PAICS: variants seen among roughly 807,000 people sequenced by gnomAD.
PAICS encodes the protein phosphoribosylaminoimidazole carboxylase and phosphoribosylaminoimidazolesuccinocarboxamide synthase, also known as bifunctional phosphoribosylaminoimidazole carboxylase/phosphoribosylaminoimidazole succinocarboxamide synthetase.
In PAICS, 33 loss-of-function variants were observed where a neutral mutation model predicts 53.7. That is an observed-to-expected ratio of 0.61 (90% CI 0.47 to 0.82). The LOEUF (loss-of-function observed/expected upper bound fraction) is 0.82, where lower values mean the gene tolerates loss of function less well. Ranked by LOEUF, PAICS falls within the 40% of genes least tolerant of loss-of-function variation. The pLI is 0.00. For missense variants in PAICS, 394 were observed against 494.1 expected, an observed-to-expected ratio of 0.80 and a Z score of 1.92; for synonymous variants, 141 against 167.2, an observed-to-expected ratio of 0.84 and a Z score of 1.21.
chr4:56,419,801 C>T, the PAICS span: 21 of 984,532 alleles, frequency 2.1e-5, no homozygotes, highest in Non-Finnish European at 2.4e-5. Flanking sequence ...AAATTGCAGC[C>T]AAGCTTCAGA....
the PAICS span, among the ~76,000 whole-genome samples, chr4:56,414,531 T>C: frequency 6.6e-6 from 1 of 152,224 alleles, no homozygotes; most frequent in East Asian, 1.9e-4. Context: ...TACAAATGTA[T>C]CGCAAGTAAT....
chr4:56,427,661 T>C, the PAICS span, among the ~76,000 whole-genome samples: 2 of 134,138 alleles, frequency 1.5e-5, no homozygotes, highest in East Asian at 4.2e-4. Flanking sequence ...AAAAAAAAAA[T>C]TCATAAGGCT....
chr4:56,414,075 T>C, the PAICS span, among the ~76,000 whole-genome samples: 1 of 152,196 alleles, frequency 6.6e-6, no homozygotes, highest in East Asian at 1.9e-4. Context: ...TCTTAGAAAT[T>C]TGCATGATTT....
the PAICS span, among the ~76,000 whole-genome samples, chr4:56,426,294 C>T: frequency 2.6e-3 from 395 of 152,006 alleles, 3 homozygotes; most frequent in African/African-American, 9.1e-3. Flanking sequence ...CTCAGCTACT[C>T]GGGAGGCTGA....
At chr4:56,416,864 T>A in the PAICS span, among the ~76,000 whole-genome samples, 2 of 152,164 alleles carry the variant, frequency 1.3e-5, no homozygotes, top group African/African-American at 2.4e-5. Context: ...TCTATTTTTC[T>A]TTTCTTTTCT....
intron 6 of PAICS, chr4:56,451,036 C>G (rs1347034684): frequency 5.6e-6 from 1 of 178,324 alleles, no homozygotes; most frequent in Non-Finnish European, 1.2e-5. Flanking sequence ...CCAGGATGGT[C>G]TTGATCTCCT....
chr4:56,427,468 T>G, the PAICS span, among the ~76,000 whole-genome samples: 1 of 152,292 alleles, frequency 6.6e-6, no homozygotes, highest in East Asian at 1.9e-4. Flanking sequence ...TATCACCATC[T>G]TTTAAAAATT....
Position 56,448,007 on chromosome 4 carries a change from CTTTTTTTTTTT to C in PAICS, c.394-403_394-393del, listed in dbSNP as rs35788109. On this transcript the variant is annotated intron_variant, in intron 3 of 8. Coordinates refer to ENST00000512576, the MANE Select transcript of PAICS (RefSeq NM_001079524.2). ...CTGCACCTGGATCAAAATTTCTTTTCTTTTTTTTTTTTTTTTTTGAGATGGAGTCTCCCTCT... is the reference window on the plus strand; with the variant it reads ...CTGCACCTGGATCAAAATTTCTTTTCTTTTTTTGAGATGGAGTCTCCCTCT... Among the ~76,000 whole-genome samples the C allele has an allele frequency of 7.1e-3, 869 of 122,016 alleles. 10 individuals are homozygous for C. The highest frequency in any genetic ancestry group is 0.025 in the African/African-American group (811 of 32,284). The allele number at this position is 122,016 out of a possible 152,430, so 80.0% of individuals were successfully genotyped here. A position where few individuals can be genotyped will look rare whatever the true frequency, so the allele number is the denominator to read the frequency against.
upstream of PAICS, chr4:56,435,266 G>C: frequency 5.1e-6 from 8 of 1,578,676 alleles, no homozygotes; most frequent in South Asian, 8.1e-5. Flanking sequence ...CCGGGCCCTC[G>C]GGCGCTCATG....
At chr4:56,455,657 A>G (rs1719156080) in intron 8 of PAICS, among the ~76,000 whole-genome samples, 1 of 152,226 alleles carries the variant, frequency 6.6e-6, no homozygotes, top group Non-Finnish European at 1.5e-5. Context: ...TAGTTTAGAA[A>G]TAGAATCCTA....
chr4:56,416,549 A>AT, the PAICS span: 3 of 154,500 alleles, frequency 1.9e-5, no homozygotes, highest in Non-Finnish European at 4.3e-5. Context: ...CTCAGAATTG[A>AT]TTTATGTTTC....
In PAICS at chr4:56,463,131, C is replaced by T. The variant is rs1212634645; in HGVS notation, c.*3593C>T. On this transcript the variant is annotated 3_prime_UTR_variant, in exon 9 of 9. Coordinates refer to ENST00000512576, the MANE Select transcript of PAICS (RefSeq NM_001079524.2). The stretch of plus-strand genomic sequence containing the variant: ...CAACCTGCCATTTCAGCCCAGCCAA[C>T]CTTAGAAAGCCATTGAAAAGAGTTG... 1 of 152,160 alleles carries T rather than the reference C, an allele frequency of 6.6e-6. No homozygotes were observed. The highest frequency in any genetic ancestry group is 1.5e-5 in the Non-Finnish European group (1 of 68,040). 9.4% of individuals were successfully genotyped at this position (152,160 alleles called of 1,614,324 possible).
At chr4:56,414,671 A>G in the PAICS span, among the ~76,000 whole-genome samples, 220 of 152,294 alleles carry the variant, frequency 1.4e-3, 1 homozygote, top group African/African-American at 5.0e-3. Context: ...TTTCACTACC[A>G]TCTGTATGTT....
intron 8 of PAICS, among the ~76,000 whole-genome samples, chr4:56,457,078 T>C (rs1212139906): frequency 7.2e-5 from 11 of 152,204 alleles, no homozygotes; most frequent in Non-Finnish European, 1.3e-4. Flanking sequence ...AAAAGTTGTC[T>C]GTGCCTGGCG....
upstream of PAICS, among the ~76,000 whole-genome samples, chr4:56,431,867 G>GC (rs1379521389): frequency 6.6e-6 from 1 of 152,202 alleles, no homozygotes; most frequent in Non-Finnish European, 1.5e-5. Context: ...GACCAAAACA[G>GC]CATTTGGTGA....
At chr4:56,433,205 T>C (rs757547132), upstream of PAICS, among the ~76,000 whole-genome samples, 1 of 151,834 alleles carries the variant, frequency 6.6e-6, no homozygotes, top group Non-Finnish European at 1.5e-5. Context: ...CCAGCCCTCT[T>C]TGTGCACCTT....
chr4:56,429,533 A>C, the PAICS span, among the ~76,000 whole-genome samples: 1 of 152,204 alleles, frequency 6.6e-6, no homozygotes, highest in Non-Finnish European at 1.5e-5. Flanking sequence ...GAAAATGCAC[A>C]TAAGACTAAT....
upstream of PAICS, chr4:56,435,584 G>C (rs3822001): frequency 2.5e-6 from 4 of 1,572,896 alleles, no homozygotes; most frequent in Admixed American, 1.7e-5. Context: ...CTCGCGACAG[G>C]CTCTTCCTTC....
At chr4:56,416,147 C>T in the PAICS span, among the ~76,000 whole-genome samples, 1 of 151,992 alleles carries the variant, frequency 6.6e-6, no homozygotes, top group South Asian at 2.1e-4. Context: ...TCAAACAATT[C>T]TAGCAGAACT....
Sources: allele counts gnomAD v4.1 joint callset (sites outside exome capture counted in the v4.1 genomes callset), GRCh38; gene constraint gnomAD v4.1.1; transcripts MANE v1.5; gene names NCBI Gene and HGNC (gene_info 2026-07-23, HGNC 2026-07-21).